The following NCAPG2 variants were observed in gnomAD, a reference collection of about 807,000 sequenced individuals.
The protein encoded by NCAPG2 is condensin-2 complex subunit G2.
Under a neutral mutation model 141.1 loss-of-function variants are expected in NCAPG2, and 53 were observed. The ratio of observed to expected loss-of-function variants is 0.38; its 90% CI spans 0.30 to 0.47. NCAPG2 has a LOEUF of 0.47. Among genes scored for constraint, NCAPG2 ranks in the 20% least tolerant of loss-of-function variants. The pLI is 0.99. For synonymous variants in NCAPG2, 499 were observed against 490.7 expected (o/e 1.02, Z -0.22); for missense variants, 1,087 against 1,389.0 (o/e 0.78, Z 3.46).
chr7:158,687,419 G>A lies in NCAPG2; in HGVS notation c.696C>T (p.Leu232=). 6.2e-7 allele frequency: 1 copy of A among 1,608,394 alleles called. No homozygotes were observed. The highest frequency in any genetic ancestry group is 8.5e-7 in the Non-Finnish European group (1 of 1,176,986). ...TGATGAAGTTGATATTCCAGTTGAA[G>A]AGACAACTAAGAAATCTTCTTCCCT... ...KEEGRRFLSC[L]FNWNINFIKM... The change falls in exon 7 of 28, where the codon CTC becomes CTT. Residue 232 remains leucine, a synonymous_variant. Coordinates refer to ENST00000356309, the MANE Select transcript of NCAPG2 (RefSeq NM_017760.7).
In NCAPG2 at chr7:158,671,539, T is replaced by C. The variant is rs1210842281; in HGVS notation, c.1454A>G (p.Lys485Arg). The C allele has an allele frequency of 6.2e-7, 1 of 1,614,098 alleles. No individual in the cohort carries two copies. Among genetic ancestry groups the C allele is most frequent in the Non-Finnish European group, 8.5e-7 (1 of 1,180,038 alleles). ...CTTAGCAGCCCTCACAGCTTTGATC[T>C]TCAACAGCATGTCCACAAAAGCTAC... ...VRVAFVDMLLKIKAVRAAKFW... is the reference protein window; with the variant it reads ...VRVAFVDMLLRIKAVRAAKFW... The change falls in exon 13 of 28, where the codon AAG (lysine) becomes AGG (arginine). Residue 485 changes from lysine to arginine, a missense_variant. By Grantham distance (26) the Lys-to-Arg change is conservative (BLOSUM62 2). Coordinates refer to ENST00000356309, the MANE Select transcript of NCAPG2 (RefSeq NM_017760.7).
intron 22 of NCAPG2, among the ~76,000 whole-genome samples, chr7:158,653,157 T>C (rs1431637573): frequency 6.6e-6 from 1 of 151,940 alleles, no homozygotes; most frequent in East Asian, 1.9e-4. Context: ...TCACTTGAGT[T>C]TGAGACCAGC....
At chr7:158,671,322 C>T in intron 13 of NCAPG2, among the ~76,000 whole-genome samples, 192 bp downstream of exon 13, 1 of 152,172 alleles carries the variant, frequency 6.6e-6, no homozygotes, top group East Asian at 1.9e-4. Context: ...TAATGTCTTT[C>T]AGAAAGAAAA....
chr7:158,653,611 C>A (rs985054581), intron 22 of NCAPG2, among the ~76,000 whole-genome samples: 15 of 152,216 alleles, frequency 9.9e-5, no homozygotes, highest in Non-Finnish European at 1.9e-4. Flanking sequence ...CACACACAGA[C>A]CCCTCTGGAA....
Position 158,700,267 on chromosome 7 carries a change from T to C in NCAPG2, c.78+1555A>G, listed in dbSNP as rs571583020. Among the ~76,000 whole-genome samples, 9 of 152,332 alleles carry C rather than the reference T, an allele frequency of 5.9e-5. No homozygotes were observed. In the South Asian group the frequency reaches 1.7e-3, roughly 28 times the overall value. ...AACTAGAGTTAATGCCTCATTAGTA[T>C]AAGGACTAATTCAGTATTCTCCTGA... On this transcript the variant is annotated intron_variant, in intron 2 of 27. Transcript: ENST00000356309.
In NCAPG2 at chr7:158,675,662, A is replaced by G. The variant is rs913834551; in HGVS notation, c.1147-6T>C. On this transcript the variant is annotated splice_region_variant and splice_polypyrimidine_tract_variant and intron_variant, in intron 11 of 27. Coordinates refer to ENST00000356309, the MANE Select transcript of NCAPG2 (RefSeq NM_017760.7). The stretch of plus-strand genomic sequence containing the variant: ...TAAGGATCTTCTAAAAGGCTCTATA[A>G]GTAGGAGGGGAGAAAGGCTTAAAAA... 1.0e-5 allele frequency: 16 copies of G among 1,605,654 alleles called. No individual in the cohort carries two copies. In the African/African-American group the frequency reaches 1.6e-4, roughly 16 times the overall value.
intron 5 of NCAPG2, among the ~76,000 whole-genome samples, 162 bp downstream of exon 5, chr7:158,690,406 T>C (rs539543097): frequency 6.6e-6 from 1 of 152,282 alleles, no homozygotes; most frequent in Admixed American, 6.5e-5. Context: ...AAGTCCTAGC[T>C]AGGTGGTGCA....
At chr7:158,668,409 C>A (rs930338283) in intron 13 of NCAPG2, 11 of 985,328 alleles carry the variant, frequency 1.1e-5, no homozygotes, top group Non-Finnish European at 1.3e-5. Context: ...TTACTGTTTT[C>A]TGTTTTGTTT....
At chr7:158,673,641 C>G (rs935487505) in intron 12 of NCAPG2, among the ~76,000 whole-genome samples, 3 of 152,202 alleles carry the variant, frequency 2.0e-5, no homozygotes, top group African/African-American at 7.2e-5. Context: ...CTCAGAGCTA[C>G]CTGCTGGTCA....
At position 158,645,251 on chromosome 7, in the gene NCAPG2, C is replaced by G. The variant is rs540109836; in HGVS notation, c.3280+268G>C. ...CACAGACAGGAACACTTAAATGGAC[C>G]TAGTGGCAACAGGTGAAAATGAACA... is the stretch of plus-strand genomic sequence containing the variant. On this transcript the variant is annotated intron_variant, in intron 26 of 27. Coordinates refer to ENST00000356309, the MANE Select transcript of NCAPG2 (RefSeq NM_017760.7). Among the ~76,000 whole-genome samples the G allele has an allele frequency of 7.2e-5, 11 of 152,244 alleles. No individual in the cohort carries two copies. In the East Asian group the frequency reaches 2.1e-3, roughly 29 times the overall value.
At chr7:158,683,279 A>G in intron 9 of NCAPG2, 21 bp downstream of exon 9, 1 of 1,475,314 alleles carries the variant, frequency 6.8e-7, no homozygotes, top group Non-Finnish European at 9.1e-7. Context: ...TATTTCAAAA[A>G]CAATCTGTTC....
chr7:158,686,151 C>CTT, intron 8 of NCAPG2, 21 bp downstream of exon 8: 1 of 1,435,672 alleles, frequency 7.0e-7, no homozygotes, highest in South Asian at 1.3e-5. Flanking sequence ...TAAGTGTTAA[C>CTT]ATTTAAAAAA....
Position 158,675,670 on chromosome 7 carries a change from G to A in NCAPG2, c.1147-14C>T. 3.1e-6 allele frequency: 5 copies of A among 1,603,516 alleles called. No homozygotes were observed. The highest frequency in any genetic ancestry group is 4.2e-6 in the Non-Finnish European group (5 of 1,177,486). On this transcript the variant is annotated splice_polypyrimidine_tract_variant and intron_variant, in intron 11 of 27. Transcript: ENST00000356309. Reference sequence around the variant, plus strand: ...TTCTAAAAGGCTCTATAAGTAGGAGGGGAGAAAGGCTTAAAAACCTTGACT... The same window carrying A: ...TTCTAAAAGGCTCTATAAGTAGGAGAGGAGAAAGGCTTAAAAACCTTGACT...
chr7:158,698,981 C>T (rs1249281107), intron 2 of NCAPG2, among the ~76,000 whole-genome samples: 1 of 151,938 alleles, frequency 6.6e-6, no homozygotes, highest in African/African-American at 2.4e-5. Context: ...GAGACGGGGT[C>T]TTACTATGTT....
intron 27 of NCAPG2, among the ~76,000 whole-genome samples, chr7:158,643,948 C>T (rs921830480): frequency 1.3e-5 from 2 of 152,226 alleles, no homozygotes; most frequent in African/African-American, 4.8e-5. Flanking sequence ...TATTTGTCCG[C>T]TAGGTGTCTA....
chr7:158,656,678 G>A lies in NCAPG2; in HGVS notation c.2088C>T (p.Ser696=), dbSNP rs1426722524. ...TCTTGTCCACAGCGCCCTCCTCCCG[G>A]CTTCTCAGCGTGGAAATCACACCAC... ...FSCGVISTLR[S]REEGAVDKSY... is the part of the protein sequence containing the mutation. Residue 696 remains serine (S), a synonymous_variant, in exon 18 of 28, where the codon AGC becomes AGT. Transcript: ENST00000356309. The A allele has an allele frequency of 1.2e-6, 2 of 1,614,022 alleles. No individual in the cohort carries two copies. Among genetic ancestry groups the A allele is most frequent in the Non-Finnish European group, 1.7e-6 (2 of 1,180,014 alleles).
intron 13 of NCAPG2, among the ~76,000 whole-genome samples, chr7:158,667,663 T>C (rs78405311): frequency 0.11 from 208 of 1,966 alleles, 46 homozygotes; most frequent in African/African-American, 0.19. Flanking sequence ...TCCCTCCGCC[T>C]TCCTTACCCA....
chr7:158,650,679 C>A (rs1429481691), intron 24 of NCAPG2, among the ~76,000 whole-genome samples, 153 bp downstream of exon 24: 1 of 152,198 alleles, frequency 6.6e-6, no homozygotes, highest in Admixed American at 6.5e-5. Context: ...CTATCAAACT[C>A]TGAGGTGTAG....
intron 27 of NCAPG2, 61 bp from the exon 28 acceptor site, chr7:158,631,778 A>C (rs1305683886): frequency 7.6e-7 from 1 of 1,311,322 alleles, no homozygotes; most frequent in Non-Finnish European, 1.1e-6. Flanking sequence ...ATCCAAATGT[A>C]CATTTTCAAA....
Sources: gnomAD v4.1 joint callset for allele counts (sites outside exome capture counted in the v4.1 genomes callset) on GRCh38, gnomAD v4.1.1 for gene constraint, MANE v1.5 for transcripts, NCBI Gene and HGNC (gene_info 2026-07-23, HGNC 2026-07-21) for gene names.